Variants in BIRC6 observed in about 807,000 individuals in gnomAD.
The protein encoded by BIRC6 is baculoviral IAP repeat containing 6.
In BIRC6, 98 loss-of-function variants were observed where a neutral mutation model predicts 503.3. That is an observed-to-expected ratio of 0.19 (90% confidence interval 0.17 to 0.23). The LOEUF (loss-of-function observed/expected upper bound fraction) is 0.23. Ranked by LOEUF, BIRC6 falls within the 10% of genes least tolerant of loss-of-function variation. The pLI, the probability that BIRC6 is intolerant of heterozygous loss-of-function variation, is 1.00. For synonymous variants in BIRC6, 2,240 were observed against 2,078.7 expected, an observed-to-expected ratio of 1.08 and a Z score of -2.11; for missense variants, 5,360 against 5,806.0, an observed-to-expected ratio of 0.92 and a Z score of 2.50.
chr2:32,599,043 AAAAG>A lies in BIRC6; in HGVS notation c.13831-695_13831-692del, dbSNP rs1184329689. 2.7e-5 allele frequency among the ~76,000 whole-genome samples: 4 copies of A among 148,250 alleles called. No individual in the cohort carries two copies. The Admixed American group carries it at 2.7e-4, about 10-fold the overall frequency. On this transcript the variant is annotated intron_variant, in intron 69 of 73. Coordinates refer to ENST00000421745, the MANE Select transcript of BIRC6 (RefSeq NM_016252.4). ...TCTCAAAAAAAAAAAAAAAAAAAAAAAAAGGCCTGGTATGCTGGCTCATGCCTGT... is the reference window on the plus strand; with the variant it reads ...TCTCAAAAAAAAAAAAAAAAAAAAAAGCCTGGTATGCTGGCTCATGCCTGT...
intron 61 of BIRC6, among the ~76,000 whole-genome samples, chr2:32,537,866 T>C (rs918199703): frequency 2.0e-5 from 3 of 151,446 alleles, no homozygotes; most frequent in Non-Finnish European, 4.4e-5. Context: ...CTCTGGAGGC[T>C]GAGGCAGGAG....
intron 22 of BIRC6, among the ~76,000 whole-genome samples, chr2:32,449,856 G>T (rs1464689142): frequency 6.6e-6 from 1 of 152,114 alleles, no homozygotes; most frequent in Non-Finnish European, 1.5e-5. Context: ...ACACATACTG[G>T]TCTGTCACTT....
chr2:32,457,484 A>G (rs1288360881), intron 23 of BIRC6, among the ~76,000 whole-genome samples: 3 of 151,862 alleles, frequency 2.0e-5, no homozygotes, highest in Admixed American at 2.0e-4. Flanking sequence ...CCGTTCTTTT[A>G]GTAATTGTAT....
Position 32,593,996 on chromosome 2 carries a change from A to G in BIRC6, c.13437A>G (p.Pro4479=), listed in dbSNP as rs745862218. ...CAGAAGGACTTACTCTTTTGGTACC[A>G]GACATCCAAAAGACTGCTGAGATAG... ...QEPEGLTLLV[P]DIQKTAEIVY... Residue 4479 remains proline (P), a synonymous_variant, in exon 67 of 74, where the codon CCA becomes CCG. Transcript: ENST00000421745. 5.1e-5 allele frequency: 82 copies of G among 1,613,490 alleles called. No individual in the cohort carries two copies. The South Asian group carries it at 7.2e-4, about 14-fold the overall frequency.
At chr2:32,540,647 C>T (rs551088126) in intron 61 of BIRC6, among the ~76,000 whole-genome samples, 23 of 152,034 alleles carry the variant, frequency 1.5e-4, no homozygotes, top group African/African-American at 5.3e-4. Context: ...CTGTTTGAAT[C>T]GTTATACTTG....
chr2:32,462,704 C>T (rs1392710216), intron 23 of BIRC6, among the ~76,000 whole-genome samples: 1 of 152,166 alleles, frequency 6.6e-6, no homozygotes, highest in East Asian at 1.9e-4. Flanking sequence ...CACCTGTAAT[C>T]CCAGCCTTTG....
intron 10 of BIRC6, among the ~76,000 whole-genome samples, chr2:32,425,359 TA>T (rs751590977): frequency 2.0e-5 from 3 of 152,080 alleles, no homozygotes; most frequent in Non-Finnish European, 2.9e-5. Context: ...ATTGGCTATA[TA>T]AAGAGAATTC....
chr2:32,579,028 A>AATAT (rs1179970525), intron 66 of BIRC6, among the ~76,000 whole-genome samples: 4 of 115,660 alleles, frequency 3.5e-5, no homozygotes, highest in Non-Finnish European at 7.1e-5. Flanking sequence ...ATATATACCT[A>AATAT]ATATATATAT....
chr2:32,507,994 G>A lies in BIRC6; in HGVS notation c.9715G>A (p.Val3239Met). 1 of 1,613,270 alleles carries A rather than the reference G, an allele frequency of 6.2e-7. No individual in the cohort carries two copies. Among genetic ancestry groups the A allele is most frequent in the South Asian group, 1.1e-5 (1 of 91,018 alleles). ...TCTTTTTATAGCCTGCCCTTCCTCA[G>A]TGTCTGTTGAAGTAAGTGCAGATGG... is the stretch of plus-strand genomic sequence containing the variant. ...LASLATCPSS[V>M]SVEVSADGVN... The change falls in exon 51 of 74, where the codon GTG (valine) becomes ATG (methionine). Residue 3239 changes from valine to methionine, a missense_variant. Val to Met is a conservative substitution (Grantham distance 21). Around this residue, in one of 16 missense-constraint regions of BIRC6, gnomAD observed 267 missense variants for 287.6 expected, o/e 0.93. Transcript: ENST00000421745.
At chr2:32,387,257 A>G (rs929512307) in intron 3 of BIRC6, among the ~76,000 whole-genome samples, 3 of 149,174 alleles carry the variant, frequency 2.0e-5, no homozygotes, top group African/African-American at 4.9e-5. Context: ...AAAAGCTCTG[A>G]TCTGTGAACA....
chr2:32,543,740 A>C (rs1433850977), intron 62 of BIRC6, among the ~76,000 whole-genome samples, 199 bp downstream of exon 62: 1 of 152,186 alleles, frequency 6.6e-6, no homozygotes, highest in Admixed American at 6.5e-5. Flanking sequence ...GTTCATTCAA[A>C]AATTATTTTC....
intron 70 of BIRC6, among the ~76,000 whole-genome samples, chr2:32,601,540 C>T (rs937933789): frequency 2.6e-5 from 4 of 152,058 alleles, no homozygotes; most frequent in African/African-American, 9.7e-5. Flanking sequence ...CAGATTGTGC[C>T]ATTGCACTCC....
intron 6 of BIRC6, among the ~76,000 whole-genome samples, chr2:32,396,970 C>T (rs1441957155): frequency 6.6e-6 from 1 of 152,062 alleles, no homozygotes; most frequent in African/African-American, 2.4e-5. Context: ...TCAGGTGATC[C>T]ACCCACCTCA....
chr2:32,535,923 C>T (rs1402253671), intron 61 of BIRC6, among the ~76,000 whole-genome samples: 8 of 152,328 alleles, frequency 5.3e-5, no homozygotes, highest in East Asian at 3.9e-4. Context: ...GTCCCACCAA[C>T]GGTGTAAAAG....
intron 68 of BIRC6, among the ~76,000 whole-genome samples, chr2:32,596,448 G>A (rs780301472): frequency 4.5e-4 from 62 of 138,088 alleles, no homozygotes; most frequent in African/African-American, 1.6e-3. Flanking sequence ...CAGTCTGGGC[G>A]ACAGAGCAAG....
At chr2:32,423,678 C>A (rs554501272) in intron 10 of BIRC6, among the ~76,000 whole-genome samples, 4 of 152,268 alleles carry the variant, frequency 2.6e-5, no homozygotes, top group Admixed American at 2.0e-4. Context: ...CCATCCACCC[C>A]CCCAATCCCT....
intron 10 of BIRC6, among the ~76,000 whole-genome samples, chr2:32,419,678 C>T (rs1175947664): frequency 6.6e-6 from 1 of 152,074 alleles, no homozygotes; most frequent in African/African-American, 2.4e-5. Flanking sequence ...GGGAACATAT[C>T]ATGAAATATA....
rs375033018 is a variant in BIRC6 at position 32,479,549 on chromosome 2, A to T, written c.7340A>T (p.Asp2447Val). ...GGTGCGACAGCTGGTGACTCTGATG[A>T]CTCCCTTCAACAGTCCTCAGTTCAG... ...DVGATAGDSD[D>V]SLQQSSVQLL... is the part of the protein sequence containing the mutation. Residue 2447 changes from aspartate to valine, a missense_variant, in exon 37 of 74, where the codon GAC becomes GTC. By Grantham distance (152) the Asp-to-Val change is radical. Transcript: ENST00000421745. 1.9e-6 allele frequency: 3 copies of T among 1,608,326 alleles called. No individual in the cohort carries two copies. The highest frequency in any genetic ancestry group is 2.5e-6 in the Non-Finnish European group (3 of 1,177,136).
intron 6 of BIRC6, among the ~76,000 whole-genome samples, chr2:32,400,539 G>T (rs531605800): frequency 4.6e-5 from 7 of 151,892 alleles, no homozygotes; most frequent in African/African-American, 1.7e-4. Flanking sequence ...GGGTTTCACC[G>T]TGTTGGTCAG....
Sources: gnomAD v4.1 joint callset for allele counts (sites outside exome capture counted in the v4.1 genomes callset) on GRCh38, gnomAD v4.1.1 for gene constraint, gnomAD v4.1.1 regional missense constraint, MANE v1.5 for transcripts, NCBI Gene and HGNC (gene_info 2026-07-23, HGNC 2026-07-21) for gene names.